The following MCTP1 variants were observed in gnomAD, a reference collection of about 807,000 sequenced individuals.
MCTP1 encodes multiple C2 and transmembrane domain containing 1.
MCTP1 carries 69 observed loss-of-function variants against 120.6 expected under a neutral mutation model. The ratio of observed to expected loss-of-function variants is 0.57; its 90% CI spans 0.47 to 0.70. MCTP1 has a LOEUF of 0.70. Ranked by LOEUF, MCTP1 falls within the 30% of genes least tolerant of loss-of-function variation. The pLI is 0.00. For missense variants in MCTP1, 1,203 were observed against 1,248.8 expected, an observed-to-expected ratio of 0.96 and a Z score of 0.55; for synonymous variants, 529 against 493.1, an observed-to-expected ratio of 1.07 and a Z score of -0.96.
rs150411190 is a variant in MCTP1 at position 95,103,261 on chromosome 5, G to T, written c.721-85777C>A. Among the ~76,000 whole-genome samples the T allele has an allele frequency of 5.2e-4, 79 of 152,150 alleles. No individual in the cohort carries two copies. In the East Asian group the frequency reaches 8.1e-3, roughly 16 times the overall value. On this transcript the variant is annotated intron_variant, in intron 1 of 22. Transcript: ENST00000515393. ...CAAATATATACGTAAGCTTTGGAAA[G>T]AAGTAAATTCTTTACCTGAATTTTT...
At chr5:94,794,189 T>C (rs972952542) in intron 18 of MCTP1, among the ~76,000 whole-genome samples, 6 of 152,234 alleles carry the variant, frequency 3.9e-5, no homozygotes, top group Non-Finnish European at 7.3e-5. Flanking sequence ...GGGAGGAATA[T>C]CATGACAGTA....
intron 1 of MCTP1, among the ~76,000 whole-genome samples, chr5:95,196,623 T>C (rs567701831): frequency 6.6e-6 from 1 of 152,276 alleles, no homozygotes; most frequent in South Asian, 2.1e-4. Flanking sequence ...CCTATAAGTA[T>C]ATGCAGACTA....
intron 2 of MCTP1, among the ~76,000 whole-genome samples, chr5:94,993,927 G>GT (rs953093571): frequency 2.0e-5 from 3 of 152,136 alleles, no homozygotes; most frequent in South Asian, 2.1e-4. Flanking sequence ...TGACTAAACG[G>GT]TTTTTTCCCC....
chr5:94,841,493 C>T lies in MCTP1; in HGVS notation c.2436+26840G>A, dbSNP rs1372038552. Among the ~76,000 whole-genome samples, 3 of 152,130 alleles carry T rather than the reference C, an allele frequency of 2.0e-5. No homozygotes were observed. The East Asian group carries it at 5.8e-4, about 29-fold the overall frequency. ...TTATATTCAGAATAGATTTGTTTATCAGTTCTTCTACCCTATCCATTTTTC... is the reference window on the plus strand; with the variant it reads ...TTATATTCAGAATAGATTTGTTTATTAGTTCTTCTACCCTATCCATTTTTC... On this transcript the variant is annotated intron_variant, in intron 17 of 22. Transcript: ENST00000515393.
chr5:94,999,453 T>C (rs1251622865), intron 2 of MCTP1, among the ~76,000 whole-genome samples: 2 of 152,178 alleles, frequency 1.3e-5, no homozygotes, highest in East Asian at 3.8e-4. Flanking sequence ...AAAATAACGT[T>C]GGCAAAGTCT....
chr5:94,853,913 T>A (rs1251454203), intron 17 of MCTP1, among the ~76,000 whole-genome samples: 1 of 151,800 alleles, frequency 6.6e-6, no homozygotes, highest in Non-Finnish European at 1.5e-5. Flanking sequence ...AGCCTGAAAG[T>A]TGCAGGGACA....
intron 5 of MCTP1, among the ~76,000 whole-genome samples, chr5:94,939,234 A>G (rs1816953429): frequency 6.6e-6 from 1 of 152,052 alleles, no homozygotes; most frequent in Non-Finnish European, 1.5e-5. Flanking sequence ...CCTTTCCAGC[A>G]GACAATCTAT....
intron 1 of MCTP1, among the ~76,000 whole-genome samples, chr5:95,224,899 T>C (rs946832587): frequency 6.6e-6 from 1 of 152,212 alleles, no homozygotes; most frequent in African/African-American, 2.4e-5. Context: ...TACAAGTCTT[T>C]AACTTATCAA....
In MCTP1 at chr5:94,917,955, G is replaced by T; in HGVS notation, c.1291C>A (p.Leu431Ile). The stretch of plus-strand genomic sequence containing the variant: ...GCTCTGCAGAAGCCCAGGACAGGAA[G>T]AGCTGGCCTGCCGCACGTCTGGATG... ...LFWRTCGRPALPVLGFCRAEL... is the reference protein window; with the variant it reads ...LFWRTCGRPAIPVLGFCRAEL... The change falls in exon 8 of 23, where the codon CTT (leucine) becomes ATT (isoleucine). Residue 431 changes from leucine (L) to isoleucine (I), a missense_variant. Physicochemically the swap from Leu to Ile is conservative, Grantham distance 5. Coordinates refer to ENST00000515393, the MANE Select transcript of MCTP1 (RefSeq NM_024717.7). The T allele has an allele frequency of 1.9e-6, 3 of 1,613,966 alleles. No individual in the cohort carries two copies. Among genetic ancestry groups the T allele is most frequent in the South Asian group, 1.1e-5 (1 of 91,084 alleles).
At chr5:95,068,854 T>C (rs1189007904) in intron 1 of MCTP1, 1 of 1,240,728 alleles carries the variant, frequency 8.1e-7, no homozygotes, top group Non-Finnish European at 1.0e-6. Flanking sequence ...ATAAAAATTT[T>C]ACGTAATATT....
chr5:94,876,457 T>C (rs896526607), intron 12 of MCTP1, among the ~76,000 whole-genome samples: 1 of 152,082 alleles, frequency 6.6e-6, no homozygotes, highest in Non-Finnish European at 1.5e-5. Flanking sequence ...TTTTATTCAA[T>C]ACCGTGTGGC....
intron 1 of MCTP1, among the ~76,000 whole-genome samples, chr5:95,067,374 A>T (rs1750942284): frequency 6.6e-6 from 1 of 152,232 alleles, no homozygotes; most frequent in African/African-American, 2.4e-5. Context: ...GCATACATGT[A>T]TTGAAACCTC....
chr5:94,932,667 C>G (rs1307367104), intron 5 of MCTP1, among the ~76,000 whole-genome samples: 2 of 151,960 alleles, frequency 1.3e-5, no homozygotes, highest in Non-Finnish European at 2.9e-5. Context: ...AAAAGCCCAA[C>G]GAATTTTTTT....
intron 21 of MCTP1, chr5:94,710,599 G>A (rs1380766127): frequency 4.4e-6 from 2 of 454,184 alleles, no homozygotes; most frequent in South Asian, 3.4e-5. Flanking sequence ...CATGTTTATA[G>A]TATGATGAAG....
chr5:95,246,054 C>T (rs1562273853), intron 1 of MCTP1, among the ~76,000 whole-genome samples: 1 of 152,182 alleles, frequency 6.6e-6, no homozygotes, highest in Non-Finnish European at 1.5e-5. Context: ...ATTTTCAACC[C>T]AGAATCTCAT....
At chr5:95,036,818 T>C (rs1434655387) in intron 1 of MCTP1, among the ~76,000 whole-genome samples, 6 of 152,196 alleles carry the variant, frequency 3.9e-5, no homozygotes, top group African/African-American at 9.6e-5. Flanking sequence ...TTTTTCTGAA[T>C]AGGAAATTAG....
intron 1 of MCTP1, among the ~76,000 whole-genome samples, chr5:95,230,091 T>C (rs1754747737): frequency 6.6e-6 from 1 of 152,076 alleles, no homozygotes. Context: ...GGAAGGTACC[T>C]TTCTTTAGTT....
intron 1 of MCTP1, among the ~76,000 whole-genome samples, chr5:95,259,154 C>T (rs1044388918): frequency 1.3e-5 from 2 of 152,116 alleles, no homozygotes; most frequent in African/African-American, 2.4e-5. Flanking sequence ...GTTGACTACG[C>T]GTCAAGTTGC....
At chr5:94,870,705 A>G (rs981378282) in intron 15 of MCTP1, among the ~76,000 whole-genome samples, 167 bp downstream of exon 15, 3 of 152,088 alleles carry the variant, frequency 2.0e-5, no homozygotes, top group South Asian at 2.1e-4. Context: ...TTCGCCAACT[A>G]TAACAGAAAG....
Sources: allele counts gnomAD v4.1 joint callset (sites outside exome capture counted in the v4.1 genomes callset), GRCh38; gene constraint gnomAD v4.1.1; transcripts MANE v1.5; gene names NCBI Gene and HGNC (gene_info 2026-07-23, HGNC 2026-07-21).